The following UNC5B variants were observed in gnomAD, a reference collection of about 807,000 sequenced individuals.
UNC5B encodes netrin receptor UNC5B.
Under a neutral mutation model 103.7 loss-of-function variants are expected in UNC5B, and 56 were observed. The observed-to-expected ratio is 0.54, with a 90% CI of 0.44 to 0.67. The LOEUF is 0.67. Among genes scored for constraint, UNC5B ranks in the 30% least tolerant of loss-of-function variants. UNC5B has a pLI of 0.00. For synonymous variants in UNC5B, 577 were observed against 542.0 expected (o/e 1.06, Z -0.90); for missense variants, 1,194 against 1,284.5 (o/e 0.93, Z 1.08).
At chr10:71,291,174 C>T (rs1700796028) in intron 9 of UNC5B, 65 bp downstream of exon 9, 2 of 1,538,764 alleles carry the variant, frequency 1.3e-6, no homozygotes, top group Non-Finnish European at 1.8e-6. Flanking sequence ...TCTGGTGGTA[C>T]CCAGACCAGA....
At chr10:71,253,804 A>G (rs999700081) in intron 1 of UNC5B, among the ~76,000 whole-genome samples, 3 of 152,052 alleles carry the variant, frequency 2.0e-5, no homozygotes, top group Non-Finnish European at 4.4e-5. Context: ...TCAGTAGGGG[A>G]GCAGGGGTCC....
At chr10:71,274,441 G>T (rs560446507) in intron 1 of UNC5B, among the ~76,000 whole-genome samples, 2 of 152,150 alleles carry the variant, frequency 1.3e-5, no homozygotes, top group Non-Finnish European at 2.9e-5. Flanking sequence ...AGTAAGGAAG[G>T]CTTTTCTAAC....
chr10:71,217,253 A>G (rs1302072510), intron 1 of UNC5B: 1 of 152,702 alleles, frequency 6.5e-6, no homozygotes, highest in East Asian at 1.9e-4. Flanking sequence ...TTATTTTTTT[A>G]AGGAAATTAA....
Position 71,295,798 on chromosome 10 carries a change from C to T in UNC5B, c.2176-13C>T, listed in dbSNP as rs1377328359. On this transcript the variant is annotated splice_polypyrimidine_tract_variant and intron_variant, in intron 13 of 16. Coordinates refer to ENST00000335350, the MANE Select transcript of UNC5B (RefSeq NM_170744.5). ...TGTGATGGGTTCCCCTTCCCCATGC[C>T]CCTGGCCCACAGGAGGTGCTGGAGC... is the stretch of plus-strand genomic sequence containing the variant. 1.9e-5 allele frequency: 31 copies of T among 1,610,458 alleles called. No homozygotes were observed. Among genetic ancestry groups the T allele is most frequent in the Non-Finnish European group, 2.6e-5 (31 of 1,179,004 alleles).
chr10:71,221,085 G>A (rs1468760272), intron 1 of UNC5B, among the ~76,000 whole-genome samples: 1 of 152,214 alleles, frequency 6.6e-6, no homozygotes, highest in African/African-American at 2.4e-5. Context: ...TGTGTTTACA[G>A]AGGCCCCTCT....
intron 1 of UNC5B, among the ~76,000 whole-genome samples, chr10:71,227,703 C>CATAT (rs1382854607): frequency 2.7e-5 from 3 of 111,486 alleles, no homozygotes; most frequent in African/African-American, 1.2e-4. Context: ...TATATACACA[C>CATAT]ATATACACAC....
chr10:71,219,080 G>A (rs914252941), intron 1 of UNC5B, among the ~76,000 whole-genome samples: 4 of 152,212 alleles, frequency 2.6e-5, no homozygotes, highest in Non-Finnish European at 5.9e-5. Context: ...GAGCAGGGAG[G>A]CCTATAGGAA....
intron 1 of UNC5B, among the ~76,000 whole-genome samples, chr10:71,263,545 G>C (rs953355006): frequency 2.0e-5 from 3 of 152,098 alleles, no homozygotes; most frequent in African/African-American, 4.8e-5. Context: ...GAGCTAGATA[G>C]AGCCAGCCCC....
At position 71,284,802 on chromosome 10, in the gene UNC5B, G is replaced by T. The variant is rs145848832; in HGVS notation, c.387G>T (p.Gln129His). Residue 129 changes from glutamine to histidine, a missense_variant, in exon 3 of 17, where the codon CAG becomes CAT. Coordinates refer to ENST00000335350, the MANE Select transcript of UNC5B (RefSeq NM_170744.5). The stretch of plus-strand genomic sequence containing the variant: ...TTGGGCTGGAGGATTACTGGTGCCA[G>T]TGCGTGGCCTGGAGCTCCGCGGGCA... Reference protein sequence around the residue: ...ELFGLEDYWCQCVAWSSAGTT... With the variant: ...ELFGLEDYWCHCVAWSSAGTT... 5 of 1,613,896 alleles carry T rather than the reference G, an allele frequency of 3.1e-6. No homozygotes were observed. In the African/African-American group the frequency reaches 6.7e-5, roughly 22 times the overall value.
intron 16 of UNC5B, among the ~76,000 whole-genome samples, chr10:71,298,653 AGAAAT>A (rs1474030293): frequency 6.6e-6 from 1 of 152,218 alleles, no homozygotes; most frequent in Non-Finnish European, 1.5e-5. Flanking sequence ...ACATTTTACT[AGAAAT>A]GAATAGGACT....
chr10:71,262,277 A>G (rs1844431101), intron 1 of UNC5B, among the ~76,000 whole-genome samples: 1 of 151,852 alleles, frequency 6.6e-6, no homozygotes, highest in African/African-American at 2.4e-5. Flanking sequence ...GCCTGGAAGG[A>G]GGACTCTAAT....
chr10:71,246,233 G>T (rs1191622010), intron 1 of UNC5B, among the ~76,000 whole-genome samples: 1 of 152,238 alleles, frequency 6.6e-6, no homozygotes, highest in Non-Finnish European at 1.5e-5. Context: ...CGTGGCTTGG[G>T]GGGCTGCATA....
Position 71,286,831 on chromosome 10 carries a change from C to T in UNC5B, c.695C>T (p.Ala232Val), listed in dbSNP as rs766252646. Residue 232 changes from alanine to valine, a missense_variant, in exon 5 of 17, where the codon GCC (alanine) becomes GTC (valine). Transcript: ENST00000335350. ...ACCTGCGTGGCCAAGAACATCGTGGCCAAACGCCGGAGCACCACTGCCACC... is the reference window on the plus strand; with the variant it reads ...ACCTGCGTGGCCAAGAACATCGTGGTCAAACGCCGGAGCACCACTGCCACC... ...NYTCVAKNIV[A>V]KRRSTTATVI... is the part of the protein sequence containing the mutation. The T allele has an allele frequency of 1.2e-6, 2 of 1,614,096 alleles. No homozygotes were observed. The highest frequency in any genetic ancestry group is 2.2e-5 in the East Asian group (1 of 44,890).
intron 1 of UNC5B, among the ~76,000 whole-genome samples, chr10:71,269,342 G>GGCCCC (rs760655939): frequency 2.0e-5 from 1 of 49,106 alleles, no homozygotes; most frequent in Non-Finnish European, 5.9e-5. Flanking sequence ...GAAAAATGAA[G>GGCCCC]TCCCCCCCCC....
chr10:71,278,314 A>C (rs1319600425), intron 1 of UNC5B, among the ~76,000 whole-genome samples: 2 of 152,204 alleles, frequency 1.3e-5, no homozygotes, highest in East Asian at 3.8e-4. Context: ...TCATCCTCAG[A>C]GCAGCCCAGA....
In UNC5B at chr10:71,297,951, AG is replaced by A; in HGVS notation, c.2534del (p.Ser845ThrfsTer26). Reference sequence around the variant, plus strand: ...GGACACTCTCTGCTCTGCCCCTGGCAGCACTGTCACCACCCAGCTGGGACCT... The same window carrying A: ...GGACACTCTCTGCTCTGCCCCTGGCACACTGTCACCACCCAGCTGGGACCT... ...SLDTLCSAPGSTVTTQLGPYA... is the reference protein window; with the variant it reads ...SLDTLCSAPGXTVTTQLGPYA... On this transcript the variant is annotated frameshift_variant, in exon 16 of 17. Transcript: ENST00000335350. LOFTEE classifies it high-confidence loss of function. The A allele has an allele frequency of 6.2e-7, 1 of 1,613,926 alleles. No homozygotes were observed. The highest frequency in any genetic ancestry group is 8.5e-7 in the Non-Finnish European group (1 of 1,179,936).
intron 2 of UNC5B, among the ~76,000 whole-genome samples, chr10:71,280,707 T>G (rs1290030065): frequency 6.6e-6 from 1 of 152,184 alleles, no homozygotes; most frequent in African/African-American, 2.4e-5. Flanking sequence ...TCCCCACATC[T>G]CCCAGAACTG....
rs114151516 is a variant in UNC5B at position 71,225,106 on chromosome 10, G to C, written c.79+12042G>C. ...CTGGACTAGGAGTCTGGAATCTCCA[G>C]CTCTAAGGCCAAATCTGTCTCTGTG... On this transcript the variant is annotated intron_variant, in intron 1 of 16. Transcript: ENST00000335350. 5.0e-3 allele frequency among the ~76,000 whole-genome samples: 762 copies of C among 152,318 alleles called. 6 individuals are homozygous for C. Among genetic ancestry groups the C allele is most frequent in the South Asian group, 0.032 (156 of 4,828 alleles).
intron 1 of UNC5B, among the ~76,000 whole-genome samples, chr10:71,258,577 C>T (rs1844344557): frequency 6.6e-6 from 1 of 152,194 alleles, no homozygotes; most frequent in African/African-American, 2.4e-5. Context: ...CTGAGAGCAG[C>T]AGGACAAGCC....
Sources: gnomAD v4.1 joint callset for allele counts (sites outside exome capture counted in the v4.1 genomes callset) on GRCh38, gnomAD v4.1.1 for gene constraint, MANE v1.5 for transcripts, NCBI Gene and HGNC (gene_info 2026-07-23, HGNC 2026-07-21) for gene names.